RERE: variants seen among roughly 807,000 people sequenced by gnomAD.
RERE encodes the protein arginine-glutamic acid dipeptide repeats protein.
Under a neutral mutation model 146.1 loss-of-function variants are expected in RERE, and 40 were observed. The ratio of observed to expected loss-of-function variants is 0.27; its 90% CI spans 0.21 to 0.36. The LOEUF (loss-of-function observed/expected upper bound fraction) is 0.36, where lower values mean the gene tolerates loss of function less well. Among genes scored for constraint, RERE ranks in the 10% least tolerant of loss-of-function variants. The pLI is 1.00. For missense variants in RERE, 1,933 were observed against 2,138.7 expected, an observed-to-expected ratio of 0.90 and a Z score of 1.90; for synonymous variants, 1,003 against 866.0, an observed-to-expected ratio of 1.16 and a Z score of -2.78.
chr1:8,628,721 T>G (rs1185782857), intron 2 of RERE, among the ~76,000 whole-genome samples: 1 of 152,214 alleles, frequency 6.6e-6, no homozygotes, highest in Non-Finnish European at 1.5e-5. Flanking sequence ...GTGCTTTATT[T>G]GAAAAGGGAA....
intron 11 of RERE, among the ~76,000 whole-genome samples, chr1:8,440,287 G>C (rs1460244193): frequency 6.6e-6 from 1 of 152,018 alleles, no homozygotes. Flanking sequence ...GTCTGGTAAA[G>C]CCTGACTCCT....
chr1:8,747,712 C>T (rs1640449424), intron 1 of RERE, among the ~76,000 whole-genome samples: 2 of 152,088 alleles, frequency 1.3e-5, no homozygotes, highest in African/African-American at 4.8e-5. Context: ...TCCTCCTTTA[C>T]TCTCTAATCT....
chr1:8,639,909 A>T (rs1004466612), intron 2 of RERE, among the ~76,000 whole-genome samples: 3 of 152,250 alleles, frequency 2.0e-5, no homozygotes, highest in African/African-American at 7.2e-5. Context: ...ATACTGTCTA[A>T]TAATAATGAT....
intron 10 of RERE, among the ~76,000 whole-genome samples, chr1:8,476,279 G>C (rs1348392421): frequency 6.6e-6 from 1 of 152,166 alleles, no homozygotes; most frequent in Non-Finnish European, 1.5e-5. Context: ...CACTTCCCTA[G>C]CAAGTAGCAG....
At chr1:8,712,871 A>G (rs545740212) in intron 1 of RERE, among the ~76,000 whole-genome samples, 21 of 152,298 alleles carry the variant, frequency 1.4e-4, no homozygotes, top group African/African-American at 5.1e-4. Context: ...AAAGCTTTAA[A>G]AACAGGAAGT....
chr1:8,707,715 G>A (rs1569596667), intron 1 of RERE, among the ~76,000 whole-genome samples: 2 of 152,262 alleles, frequency 1.3e-5, no homozygotes, highest in East Asian at 1.9e-4. Context: ...ACACCCCAAC[G>A]TCATCCAGCA....
In RERE at chr1:8,736,533, T is replaced by A. The variant is rs764297246; in HGVS notation, c.-144-80092A>T. Among the ~76,000 whole-genome samples, 6 of 152,164 alleles carry A rather than the reference T, an allele frequency of 3.9e-5. 1 individual carries two copies. Among genetic ancestry groups the A allele is most frequent in the Admixed American group, 3.3e-4 (5 of 15,272 alleles). ...ATACTTGTTCTTAAAGTGAGCATCA[T>A]GTTTTTCTTTCAACTTCTCAATAAA... On this transcript the variant is annotated intron_variant, in intron 1 of 22. Transcript: ENST00000400908.
At chr1:8,381,214 G>A (rs1642442653) in intron 12 of RERE, 1 of 347,744 alleles carries the variant, frequency 2.9e-6, no homozygotes, top group Non-Finnish European at 5.7e-6. Flanking sequence ...AGTCCTGCAG[G>A]ATATCAAGTT....
intron 4 of RERE, among the ~76,000 whole-genome samples, chr1:8,564,439 C>A (rs1322075321): frequency 2.0e-5 from 3 of 152,060 alleles, no homozygotes; most frequent in African/African-American, 7.2e-5. Flanking sequence ...CAGCCTGTCA[C>A]AAAGGTCAGA....
chr1:8,508,560 G>A (rs1645287829), intron 8 of RERE, 67 bp downstream of exon 8: 1 of 1,195,278 alleles, frequency 8.4e-7, no homozygotes, highest in Admixed American at 1.8e-5. Context: ...CTGCGCAACA[G>A]AATAAAGTGC....
At chr1:8,670,986 G>T (rs1018403670) in intron 1 of RERE, among the ~76,000 whole-genome samples, 1 of 152,208 alleles carries the variant, frequency 6.6e-6, no homozygotes, top group South Asian at 2.1e-4. Flanking sequence ...GAGAAAAAAG[G>T]AGGCCAAGGA....
At chr1:8,805,885 C>G (rs548325938) in intron 1 of RERE, 2 of 110,280 alleles carry the variant, frequency 1.8e-5, no homozygotes, top group African/African-American at 7.1e-5. Context: ...GAATTTCACA[C>G]TTGTTTTCCA....
intron 12 of RERE, among the ~76,000 whole-genome samples, chr1:8,395,187 A>G (rs752372617): frequency 2.0e-5 from 3 of 152,118 alleles, no homozygotes; most frequent in Non-Finnish European, 1.5e-5. Flanking sequence ...AGAATGAGCA[A>G]TTTCCGGGTC....
intron 1 of RERE, among the ~76,000 whole-genome samples, chr1:8,693,949 A>G (rs1259462170): frequency 6.6e-6 from 1 of 151,864 alleles, no homozygotes; most frequent in Non-Finnish European, 1.5e-5. Context: ...TTAATCTACC[A>G]TATAAAATAA....
At chr1:8,501,157 A>AG (rs1326660369) in intron 8 of RERE, among the ~76,000 whole-genome samples, 2,668 of 132,560 alleles carry the variant, frequency 0.02, 20 homozygotes, top group African/African-American at 0.073. Context: ...CCCGTCCGGG[A>AG]GGGGGGGTCA....
chr1:8,699,248 G>A (rs1458071627), intron 1 of RERE, among the ~76,000 whole-genome samples: 2 of 152,170 alleles, frequency 1.3e-5, no homozygotes, highest in East Asian at 1.9e-4. Context: ...TCTGGTATGA[G>A]AAAACAGTCA....
intron 1 of RERE, among the ~76,000 whole-genome samples, chr1:8,672,172 T>C (rs1638733825): frequency 1.3e-5 from 2 of 151,958 alleles, no homozygotes; most frequent in African/African-American, 2.4e-5. Context: ...TCCGGAAATA[T>C]ATTTTTTGTT....
Position 8,360,835 on chromosome 1 carries a change from G to A in RERE, c.2672C>T (p.Ala891Val). ...GQAPLGTSPA[A>V]AYPHTSLQLP... is the part of the protein sequence containing the mutation. The stretch of plus-strand genomic sequence containing the variant: ...CTGCAGGGAGGTGTGAGGGTACGCT[G>A]CTGCTGGGGAGGTCCCCAGAGGGGC... Residue 891 changes from alanine to valine, a missense_variant, in exon 18 of 23, where the codon GCA becomes GTA. Ala to Val is a moderately conservative substitution (Grantham distance 64). Transcript: ENST00000400908. The A allele has an allele frequency of 1.3e-6, 2 of 1,546,164 alleles. No homozygotes were observed. Among genetic ancestry groups the A allele is most frequent in the Non-Finnish European group, 1.7e-6 (2 of 1,151,632 alleles).
chr1:8,619,343 A>T (rs1286118094), intron 3 of RERE, among the ~76,000 whole-genome samples: 1 of 152,210 alleles, frequency 6.6e-6, no homozygotes, highest in South Asian at 2.1e-4. Context: ...AACTTTAAGG[A>T]CAATTTTCCA....
Sources: gnomAD v4.1 joint callset for allele counts (sites outside exome capture counted in the v4.1 genomes callset) on GRCh38, gnomAD v4.1.1 for gene constraint, MANE v1.5 for transcripts, NCBI Gene and HGNC (gene_info 2026-07-23, HGNC 2026-07-21) for gene names.